STK10: variants seen among roughly 807,000 people sequenced by gnomAD.
STK10 encodes the protein serine/threonine-protein kinase 10.
In STK10, 78 loss-of-function variants were observed where a neutral mutation model predicts 113.8. The ratio of observed to expected loss-of-function variants is 0.69; its 90% CI spans 0.57 to 0.83. The LOEUF (loss-of-function observed/expected upper bound fraction) is 0.83. Ranked by LOEUF, STK10 falls within the 40% of genes least tolerant of loss-of-function variation. The probability of loss-of-function intolerance (pLI) is 0.00; values close to 1 mark genes in which losing one functional copy is unlikely to be tolerated. For missense variants in STK10, 1,109 were observed against 1,280.1 expected (o/e 0.87, Z 2.04); for synonymous variants, 465 against 494.7 (o/e 0.94, Z 0.80).
In STK10 at chr5:172,082,844, T is replaced by C. The variant is rs544111491; in HGVS notation, c.1809+117A>G. The C allele has an allele frequency of 1.3e-3, 1,892 of 1,474,440 alleles. 34 individuals are homozygous for C. The South Asian group carries it at 0.022, about 17-fold the overall frequency. The allele number at this position is 1,474,440 out of a possible 1,614,324, so 91.3% of individuals were successfully genotyped here. ...AACAAGATCGGGAAGCCCCCAGGAA[T>C]TGGGCAATTGTTGTGAATTACTCTC... On this transcript the variant is annotated intron_variant, in intron 11 of 18. Coordinates refer to ENST00000176763, the MANE Select transcript of STK10 (RefSeq NM_005990.4). The surrounding 1 kb of genome is among the most constrained non-coding windows in gnomAD (Gnocchi z 4.3).
Position 172,133,776 on chromosome 5 carries a change from G to A in STK10, c.322-6355C>T, listed in dbSNP as rs73805205. Among the ~76,000 whole-genome samples, 985 of 152,290 alleles carry A rather than the reference G, an allele frequency of 6.5e-3. 10 individuals carry two copies. The highest frequency in any genetic ancestry group is 0.022 in the African/African-American group (928 of 41,560). On this transcript the variant is annotated intron_variant, in intron 2 of 18. Transcript: ENST00000176763. This position sits in a 1 kb window ranked among gnomAD's most constrained non-coding sequence, Gnocchi z 4.9. ...AATATGCAAACGAATTAATTTCTGC[G>A]CTGTTTAGTAGGTTAGTTTAAGGTT... is the stretch of plus-strand genomic sequence containing the variant.
chr5:172,079,420 G>T (rs970701692), intron 12 of STK10, among the ~76,000 whole-genome samples: 27 of 152,098 alleles, frequency 1.8e-4, no homozygotes, highest in Admixed American at 7.2e-4. Context: ...CAGATCTCTA[G>T]TCAGCCAGTC....
intron 2 of STK10, among the ~76,000 whole-genome samples, chr5:172,135,097 G>A (rs1333725157): frequency 6.6e-6 from 1 of 152,116 alleles, no homozygotes; most frequent in Non-Finnish European, 1.5e-5. Context: ...TTTTTCCAAA[G>A]AAGATGTACA....
intron 1 of STK10, among the ~76,000 whole-genome samples, chr5:172,170,749 T>C (rs1770652555): frequency 6.6e-6 from 1 of 152,230 alleles, no homozygotes; most frequent in Non-Finnish European, 1.5e-5. Flanking sequence ...CCTCAGATGT[T>C]AGCTCTCCAA....
At chr5:172,122,501 G>A (rs1769532350) in intron 3 of STK10, among the ~76,000 whole-genome samples, 1 of 152,150 alleles carries the variant, frequency 6.6e-6, no homozygotes, top group Non-Finnish European at 1.5e-5. Flanking sequence ...ACACAGCAAT[G>A]CATGAATACC....
At chr5:172,063,256 G>GAA (rs925928207) in intron 13 of STK10, among the ~76,000 whole-genome samples, 1 of 132,578 alleles carries the variant, frequency 7.5e-6, no homozygotes, top group Non-Finnish European at 1.6e-5. Context: ...TCTCAAAAAA[G>GAA]AAAAAAAAAA....
At chr5:172,102,472 G>C (rs11746249) in intron 7 of STK10, among the ~76,000 whole-genome samples, 6,835 of 152,288 alleles carry the variant, frequency 0.045, 174 homozygotes, top group Middle Eastern at 0.061. Flanking sequence ...GCCGAGGCAT[G>C]GAGCTGGGAG....
At chr5:172,052,813 G>T in intron 18 of STK10, 116 bp downstream of exon 18, 3 of 935,806 alleles carry the variant, frequency 3.2e-6, no homozygotes, top group Non-Finnish European at 3.3e-6. Flanking sequence ...TCCATTTGAT[G>T]GTGCCACAAA....
chr5:172,143,951 T>C (rs951253158), intron 2 of STK10, among the ~76,000 whole-genome samples: 1 of 152,186 alleles, frequency 6.6e-6, no homozygotes, highest in Non-Finnish European at 1.5e-5. Flanking sequence ...ACAGCCAGAT[T>C]GTGCAAACGA....
At chr5:172,132,561 C>T (rs1325631517) in intron 2 of STK10, among the ~76,000 whole-genome samples, 2 of 152,028 alleles carry the variant, frequency 1.3e-5, no homozygotes, top group Non-Finnish European at 2.9e-5. Context: ...TGATCAAGTC[C>T]AAAGTGAAAC....
intron 7 of STK10, among the ~76,000 whole-genome samples, chr5:172,100,594 C>G (rs1192125410): frequency 6.6e-6 from 1 of 152,066 alleles, no homozygotes; most frequent in African/African-American, 2.4e-5. Flanking sequence ...CGAGACCACC[C>G]TGGCCAACAT....
Position 172,064,799 on chromosome 5 carries a change from A to C in STK10, c.2003T>G (p.Val668Gly), listed in dbSNP as rs1768033154. 1 of 1,613,778 alleles carries C rather than the reference A, an allele frequency of 6.2e-7. No individual in the cohort carries two copies. The highest frequency in any genetic ancestry group is 8.5e-7 in the Non-Finnish European group (1 of 1,179,990). ...CCGCTGCTGTCGGGGGAGCTTCTCC[A>C]CCTCGTTCTTCACCTGCAGCAGAGA... Reference protein sequence around the residue: ...KLMKKEVKNEVEKLPRQQRKE... With the variant: ...KLMKKEVKNEGEKLPRQQRKE... The change falls in exon 13 of 19, where the codon GTG (valine) becomes GGG (glycine). Residue 668 changes from valine to glycine, a missense_variant. Physicochemically the swap from Val to Gly is moderately radical, Grantham distance 109. Around this residue, in one of 5 missense-constraint regions of STK10, gnomAD observed 885 missense variants for 991.1 expected, o/e 0.89. Transcript: ENST00000176763.
In STK10 at chr5:172,071,746, C is replaced by T. The variant is rs1218782466; in HGVS notation, c.1990-6934G>A. On this transcript the variant is annotated intron_variant, in intron 12 of 18. Coordinates refer to ENST00000176763, the MANE Select transcript of STK10 (RefSeq NM_005990.4). Reference sequence around the variant, plus strand: ...TCCCTAGTGCCAGTCTTTGCTGTCTCGTCCTTACAAGCAGCCCACTCTGAA... The same window carrying T: ...TCCCTAGTGCCAGTCTTTGCTGTCTTGTCCTTACAAGCAGCCCACTCTGAA... Among the ~76,000 whole-genome samples the T allele has an allele frequency of 3.3e-5, 5 of 152,244 alleles. No individual in the cohort carries two copies. In the East Asian group the frequency reaches 5.8e-4, roughly 18 times the overall value.
intron 10 of STK10, among the ~76,000 whole-genome samples, chr5:172,087,957 GCT>G (rs1339469493): frequency 2.0e-5 from 3 of 151,438 alleles, no homozygotes; most frequent in African/African-American, 7.3e-5. Context: ...ATAGAGTCTT[GCT>G]CTGTTACCCA....
chr5:172,090,453 C>T, intron 9 of STK10, 91 bp from the exon 10 acceptor site: 2 of 1,518,684 alleles, frequency 1.3e-6, no homozygotes, highest in South Asian at 2.6e-5. Context: ...CTGCTGGGCC[C>T]ACAGCTTCAG....
At position 172,120,936 on chromosome 5, in the gene STK10, G is replaced by A. The variant is rs757520602; in HGVS notation, c.371-3306C>T. 3.3e-5 allele frequency among the ~76,000 whole-genome samples: 5 copies of A among 152,122 alleles called. No homozygotes were observed. The highest frequency in any genetic ancestry group is 5.9e-5 in the Non-Finnish European group (4 of 68,018). ...GTGTCAGGCATGAGGATAAGGACAC[G>A]GTGCATACTGTCATTTAATCCTCGC... On this transcript the variant is annotated intron_variant, in intron 3 of 18. Coordinates refer to ENST00000176763, the MANE Select transcript of STK10 (RefSeq NM_005990.4). This position sits in a 1 kb window ranked among gnomAD's most constrained non-coding sequence, Gnocchi z 4.0.
chr5:172,064,790 A>G lies in STK10; in HGVS notation c.2012T>C (p.Leu671Pro). ...GCTTTCCTTCCGCTGCTGTCGGGGG[A>G]GCTTCTCCACCTCGTTCTTCACCTG... ...KKEVKNEVEK[L>P]PRQQRKESMK... Residue 671 changes from leucine to proline, a missense_variant, in exon 13 of 19, where the codon CTC (leucine) becomes CCC (proline). Leu to Pro is a moderately conservative substitution (Grantham distance 98). Coordinates refer to ENST00000176763, the MANE Select transcript of STK10 (RefSeq NM_005990.4). The G allele has an allele frequency of 6.2e-7, 1 of 1,613,162 alleles. No individual in the cohort carries two copies. The highest frequency in any genetic ancestry group is 8.5e-7 in the Non-Finnish European group (1 of 1,179,780).
chr5:172,056,654 G>A (rs957623654), intron 15 of STK10, among the ~76,000 whole-genome samples: 2 of 151,982 alleles, frequency 1.3e-5, no homozygotes, highest in Non-Finnish European at 2.9e-5. Flanking sequence ...GATCACTTGA[G>A]GTCAGGGGTT....
In STK10 at chr5:172,042,340, G is replaced by A. The variant is rs1767394777; in HGVS notation, c.*2542C>T. 6.5e-6 allele frequency: 1 copy of A among 152,676 alleles called. No homozygotes were observed. The highest frequency in any genetic ancestry group is 1.5e-5 in the Non-Finnish European group (1 of 68,066). 9.5% of individuals were successfully genotyped at this position (152,676 alleles called of 1,614,324 possible). A position where few individuals can be genotyped will look rare whatever the true frequency, so the allele number is the denominator to read the frequency against. On this transcript the variant is annotated 3_prime_UTR_variant, in exon 19 of 19. Transcript: ENST00000176763. Reference sequence around the variant, plus strand: ...GCCTCTCAGAGATGGGCATTGCACGGTGGCTCCACGGTGAGGCTAGGTGAC... The same window carrying A: ...GCCTCTCAGAGATGGGCATTGCACGATGGCTCCACGGTGAGGCTAGGTGAC...
Sources: allele counts gnomAD v4.1 joint callset (sites outside exome capture counted in the v4.1 genomes callset), GRCh38; gene constraint gnomAD v4.1.1; regional missense constraint gnomAD v4.1.1; non-coding constraint Gnocchi (gnomAD v3.1); transcripts MANE v1.5; gene names NCBI Gene and HGNC (gene_info 2026-07-23, HGNC 2026-07-21).